The following VASP variants were observed in gnomAD, a reference collection of about 807,000 sequenced individuals.
VASP encodes vasodilator-stimulated phosphoprotein.
Under a neutral mutation model 54.4 loss-of-function variants are expected in VASP, and 27 were observed. The ratio of observed to expected loss-of-function variants is 0.50; its 90% CI spans 0.37 to 0.68. The LOEUF is 0.68. Ranked by LOEUF, VASP falls within the 30% of genes least tolerant of loss-of-function variation. VASP has a pLI of 0.00. For synonymous variants in VASP, 233 were observed against 209.8 expected, an observed-to-expected ratio of 1.11 and a Z score of -0.96; for missense variants, 488 against 528.3, an observed-to-expected ratio of 0.92 and a Z score of 0.75.
chr19:45,518,660 A>G (rs1348482794), intron 3 of VASP, among the ~76,000 whole-genome samples: 1 of 152,178 alleles, frequency 6.6e-6, no homozygotes, highest in African/African-American at 2.4e-5. Context: ...TCCCAGATCA[A>G]GACATAGGTA....
intron 1 of VASP, among the ~76,000 whole-genome samples, chr19:45,509,240 C>G (rs953868015): frequency 6.6e-6 from 1 of 152,224 alleles, no homozygotes; most frequent in African/African-American, 2.4e-5. Context: ...CACAGATACC[C>G]TCAAGACTTC....
At chr19:45,525,576 G>C (rs1023169475) in intron 11 of VASP, among the ~76,000 whole-genome samples, 3 of 152,104 alleles carry the variant, frequency 2.0e-5, no homozygotes, top group African/African-American at 4.8e-5. Context: ...GGGGGCACCT[G>C]TAATCCAGTT....
At chr19:45,524,742 A>G in intron 11 of VASP, 82 bp downstream of exon 11, 1 of 1,366,860 alleles carries the variant, frequency 7.3e-7, no homozygotes, top group Non-Finnish European at 1.0e-6. Context: ...ATGATCCTAG[A>G]TAACATCTCA....
At chr19:45,514,831 T>C (rs1968671408) in intron 1 of VASP, among the ~76,000 whole-genome samples, 1 of 152,068 alleles carries the variant, frequency 6.6e-6, no homozygotes, top group South Asian at 2.1e-4. Flanking sequence ...AAAGGGCACC[T>C]GGTGTTTGGG....
In VASP at chr19:45,525,999, T is replaced by C. The variant is rs1214357282; in HGVS notation, c.1101T>C (p.Ile367=). ...KELQKVKEEI[I]EAFVQELRKR... ...TGCAGAAAGTGAAAGAGGAAATCATTGAAGGTGAGGTGGTTTGCTTTGGTT... is the reference window on the plus strand; with the variant it reads ...TGCAGAAAGTGAAAGAGGAAATCATCGAAGGTGAGGTGGTTTGCTTTGGTT... The change falls in exon 12 of 13, where the codon ATT becomes ATC. Residue 367 remains isoleucine, a synonymous_variant. Transcript: ENST00000245932. 1.2e-6 allele frequency: 2 copies of C among 1,613,998 alleles called. No individual in the cohort carries two copies.
intron 1 of VASP, among the ~76,000 whole-genome samples, chr19:45,517,160 A>T (rs189839375): frequency 1.8e-3 from 264 of 150,014 alleles, no homozygotes; most frequent in Middle Eastern, 7.0e-3. Flanking sequence ...AAATAATAAT[A>T]ATAATTATTA....
chr19:45,521,477 C>T, intron 4 of VASP, 71 bp downstream of exon 4: 4 of 1,359,144 alleles, frequency 2.9e-6, no homozygotes, highest in Non-Finnish European at 3.9e-6. Context: ...CCCTTGACTC[C>T]TAGAGTTCAG....
rs535899500 is a variant in VASP, at chr19:45,520,104, G to A, written c.344-1218G>A. On this transcript the variant is annotated intron_variant, in intron 3 of 12. Transcript: ENST00000245932. Reference sequence around the variant, plus strand: ...TTTAGTAGAGACGGGGTTTCGCAGTGTTGGCCAGGCTGGTCTCGAACTCCT... The same window carrying A: ...TTTAGTAGAGACGGGGTTTCGCAGTATTGGCCAGGCTGGTCTCGAACTCCT... 8.6e-5 allele frequency among the ~76,000 whole-genome samples: 13 copies of A among 151,922 alleles called. No homozygotes were observed. The South Asian group carries it at 1.3e-3, about 15-fold the overall frequency.
chr19:45,520,701 C>T lies in VASP; in HGVS notation c.344-621C>T, dbSNP rs10423254. 9.9e-3 allele frequency among the ~76,000 whole-genome samples: 1,506 copies of T among 152,242 alleles called. 25 individuals are homozygous for T. Among genetic ancestry groups the T allele is most frequent in the African/African-American group, 0.035 (1,439 of 41,534 alleles). The stretch of plus-strand genomic sequence containing the variant: ...GCCAGGGGCCAGGTGCGGTGGCTCA[C>T]GCCTGTAATCTCAGCACTTTGGGAG... On this transcript the variant is annotated intron_variant, in intron 3 of 12. Coordinates refer to ENST00000245932, the MANE Select transcript of VASP (RefSeq NM_003370.4).
Position 45,518,113 on chromosome 19 carries a change from C to A in VASP, c.343+19C>A, listed in dbSNP as rs1251068628. ...TTGGAAGGTCAGAAATGGCGGCGGG[C>A]AAAGGGGACCAGTGAATGCGGCTGT... On this transcript the variant is annotated intron_variant, in intron 3 of 12. Transcript: ENST00000245932. 6.2e-7 allele frequency: 1 copy of A among 1,608,052 alleles called. No individual in the cohort carries two copies. Among genetic ancestry groups the A allele is most frequent in the South Asian group, 1.1e-5 (1 of 90,516 alleles).
chr19:45,511,787 A>G (rs1968604610), intron 1 of VASP, among the ~76,000 whole-genome samples: 1 of 152,210 alleles, frequency 6.6e-6, no homozygotes, highest in South Asian at 2.1e-4. Flanking sequence ...AAGCAGTTTG[A>G]AATACTTACT....
chr19:45,510,626 C>T (rs1421277692), intron 1 of VASP, among the ~76,000 whole-genome samples: 2 of 152,110 alleles, frequency 1.3e-5, no homozygotes, highest in African/African-American at 2.4e-5. Context: ...GAAAGTTAGG[C>T]AAGGTGCCTA....
At chr19:45,514,600 A>G (rs1568386378) in intron 1 of VASP, among the ~76,000 whole-genome samples, 1 of 152,196 alleles carries the variant, frequency 6.6e-6, no homozygotes, top group Non-Finnish European at 1.5e-5. Context: ...CCCCTTGGTC[A>G]CCCAGCAGGC....
In VASP at chr19:45,524,116, G is replaced by C; in HGVS notation, c.930G>C (p.Trp310Cys). Reference protein sequence around the residue: ...PAQSESVRRPWEKNSTTLPRM... With the variant: ...PAQSESVRRPCEKNSTTLPRM... ...CCCCAGAATCTGTGCGGAGACCCTG[G>C]GAGAAGAACAGCACAACCTTGCCAA... Residue 310 changes from tryptophan (W) to cysteine (C), a missense_variant, in exon 10 of 13, where the codon TGG becomes TGC. By Grantham distance (215) the Trp-to-Cys change is radical. Around this residue, in one of 4 missense-constraint regions of VASP, gnomAD observed 126 missense variants for 134.8 expected, o/e 0.94. Coordinates refer to ENST00000245932, the MANE Select transcript of VASP (RefSeq NM_003370.4). 6.2e-7 allele frequency: 1 copy of C among 1,613,854 alleles called. No individual in the cohort carries two copies. Among genetic ancestry groups the C allele is most frequent in the East Asian group, 2.2e-5 (1 of 44,858 alleles).
intron 3 of VASP, among the ~76,000 whole-genome samples, chr19:45,518,675 C>G (rs946062707): frequency 4.6e-5 from 7 of 152,196 alleles, no homozygotes; most frequent in African/African-American, 9.7e-5. Context: ...TAGGTAGGTC[C>G]TGCCCCAGAA....
At position 45,520,293 on chromosome 19, in the gene VASP, A is replaced by G. The variant is rs10417066; in HGVS notation, c.344-1029A>G. On this transcript the variant is annotated intron_variant, in intron 3 of 12. Transcript: ENST00000245932. Reference sequence around the variant, plus strand: ...TGGTGCAGGTGGGCTGGGCGGACTGAGACTCCACATTCTCACAAGTGCCCT... The same window carrying G: ...TGGTGCAGGTGGGCTGGGCGGACTGGGACTCCACATTCTCACAAGTGCCCT... 5.9e-3 allele frequency among the ~76,000 whole-genome samples: 896 copies of G among 152,298 alleles called. 10 individuals carry two copies. Among genetic ancestry groups the G allele is most frequent in the African/African-American group, 0.02 (851 of 41,554 alleles).
At chr19:45,508,901 C>T in intron 1 of VASP, among the ~76,000 whole-genome samples, 1 of 152,188 alleles carries the variant, frequency 6.6e-6, no homozygotes, top group East Asian at 1.9e-4. Flanking sequence ...CCAGTGTGGG[C>T]AGGGGGGCCC....
chr19:45,516,904 G>A (rs1168053053), intron 1 of VASP, among the ~76,000 whole-genome samples: 2 of 145,868 alleles, frequency 1.4e-5, no homozygotes, highest in Admixed American at 7.1e-5. Flanking sequence ...GGAGGCTGAG[G>A]CGGAGAATGG....
rs534752443 is a variant in VASP, at chr19:45,517,071, T to A, written c.6-592T>A. 2.7e-5 allele frequency among the ~76,000 whole-genome samples: 4 copies of A among 146,694 alleles called. No homozygotes were observed. The South Asian group carries it at 8.7e-4, about 32-fold the overall frequency. On this transcript the variant is annotated intron_variant, in intron 1 of 12. Transcript: ENST00000245932. ...TACTTGGGAGGCTGAAGTGGGAGGA[T>A]CGCTTGAGCTCAGGAGGTCGAGGCC... is the stretch of plus-strand genomic sequence containing the variant.
Sources: allele counts gnomAD v4.1 joint callset (sites outside exome capture counted in the v4.1 genomes callset), GRCh38; gene constraint gnomAD v4.1.1; regional missense constraint gnomAD v4.1.1; transcripts MANE v1.5; gene names NCBI Gene and HGNC (gene_info 2026-07-23, HGNC 2026-07-21).